The following STRN variants were observed in gnomAD, a reference collection of about 807,000 sequenced individuals.
The protein encoded by STRN is protein phosphatase 2 regulatory subunit B'''alpha.
A neutral mutation model predicts 96.3 loss-of-function variants in STRN; 53 were observed. That is an observed-to-expected ratio of 0.55 (90% confidence interval 0.44 to 0.69). STRN has a LOEUF of 0.69. Ranked by LOEUF, STRN falls within the 30% of genes least tolerant of loss-of-function variation. The pLI is 0.00. For missense variants in STRN, 987 were observed against 963.9 expected (o/e 1.02, Z -0.32); for synonymous variants, 428 against 355.9 (o/e 1.20, Z -2.28).
chr2:36,849,331 T>A lies in STRN; in HGVS notation c.*125A>T, dbSNP rs13385893. On this transcript the variant is annotated 3_prime_UTR_variant, in exon 18 of 18. Transcript: ENST00000263918. ...AATTGCAAAACTATACTTCAACAAATGTTCTCTGTGCTCCTTCAGCAGAAC... is the reference window on the plus strand; with the variant it reads ...AATTGCAAAACTATACTTCAACAAAAGTTCTCTGTGCTCCTTCAGCAGAAC... The A allele has an allele frequency of 2.6e-6, 3 of 1,141,212 alleles. No homozygotes were observed. The Admixed American group carries it at 7.6e-5, about 29-fold the overall frequency. The allele number at this position is 1,141,212 out of a possible 1,614,324, so 70.7% of individuals were successfully genotyped here. A position where few individuals can be genotyped will look rare whatever the true frequency, so the allele number is the denominator to read the frequency against.
intron 12 of STRN, among the ~76,000 whole-genome samples, chr2:36,863,369 G>T (rs965112874): frequency 6.6e-6 from 1 of 152,112 alleles, no homozygotes; most frequent in African/African-American, 2.4e-5. Context: ...TAAGGAAGGG[G>T]TCCAGTTTCA....
intron 1 of STRN, among the ~76,000 whole-genome samples, chr2:36,951,640 A>G (rs1664754890): frequency 6.6e-6 from 1 of 152,238 alleles, no homozygotes; most frequent in Non-Finnish European, 1.5e-5. Context: ...GTAACAGTGT[A>G]ACCTAATATA....
chr2:36,915,073 A>G (rs1670055241), intron 3 of STRN, among the ~76,000 whole-genome samples: 1 of 150,492 alleles, frequency 6.6e-6, no homozygotes, highest in African/African-American at 2.4e-5. Context: ...GGTGGGCGCC[A>G]GTAATCCCAG....
Position 36,958,146 on chromosome 2 carries a change from C to T in STRN, c.234+8084G>A, listed in dbSNP as rs1055140897. On this transcript the variant is annotated intron_variant, in intron 1 of 17. Transcript: ENST00000263918. ...TGTTGGCCAAGCTGGTCTTGAACTC[C>T]GGACCTCAGGTGATCTGCCCGCCTC... 4.0e-5 allele frequency among the ~76,000 whole-genome samples: 6 copies of T among 151,852 alleles called. No individual in the cohort carries two copies. The East Asian group carries it at 7.7e-4, about 20-fold the overall frequency.
chr2:36,908,713 C>T (rs900380552), intron 3 of STRN, among the ~76,000 whole-genome samples: 5 of 152,152 alleles, frequency 3.3e-5, no homozygotes, highest in African/African-American at 1.2e-4. Context: ...GTGGCTCATG[C>T]CTGTAATACC....
intron 10 of STRN, among the ~76,000 whole-genome samples, chr2:36,875,294 G>A (rs1286352941): frequency 6.6e-6 from 1 of 152,018 alleles, no homozygotes; most frequent in Non-Finnish European, 1.5e-5. Context: ...CAGACTGCTT[G>A]AGCCCAGCAG....
At chr2:36,958,790 C>T (rs1190271537) in intron 1 of STRN, among the ~76,000 whole-genome samples, 1 of 152,110 alleles carries the variant, frequency 6.6e-6, no homozygotes, top group Non-Finnish European at 1.5e-5. Flanking sequence ...AGCCAATCCA[C>T]AAATTCAAGG....
chr2:36,955,206 T>C (rs541720199), intron 1 of STRN, among the ~76,000 whole-genome samples: 7 of 152,326 alleles, frequency 4.6e-5, no homozygotes, highest in African/African-American at 1.7e-4. Context: ...TGCCCTGGCC[T>C]GGGTACTAGG....
At chr2:36,908,293 G>A (rs1669873584) in intron 3 of STRN, among the ~76,000 whole-genome samples, 1 of 152,082 alleles carries the variant, frequency 6.6e-6, no homozygotes, top group Admixed American at 6.5e-5. Flanking sequence ...TGCCTATTTT[G>A]GCAGCCAGTG....
At chr2:36,928,495 T>A (rs1670477222) in intron 1 of STRN, among the ~76,000 whole-genome samples, 1 of 148,016 alleles carries the variant, frequency 6.8e-6, no homozygotes, top group Non-Finnish European at 1.5e-5. Flanking sequence ...CCACTAAACA[T>A]ACAAAAATTA....
chr2:36,910,127 C>T lies in STRN; in HGVS notation c.413-4509G>A, dbSNP rs148975872. ...GGCGGAGGCTGCAGTGAGCCGAGAT[C>T]GTGGCGTCACACTCCAGCCTGGGGG... On this transcript the variant is annotated intron_variant, in intron 3 of 17. Transcript: ENST00000263918. 4.5e-3 allele frequency among the ~76,000 whole-genome samples: 658 copies of T among 145,184 alleles called. 3 individuals carry two copies. The highest frequency in any genetic ancestry group is 0.011 in the Middle Eastern group (3 of 284).
At chr2:36,860,987 A>G in intron 13 of STRN, 145 bp downstream of exon 13, 1 of 959,422 alleles carries the variant, frequency 1.0e-6, no homozygotes. Flanking sequence ...TCCTAAATAC[A>G]GAAGTCCTTT....
chr2:36,909,182 G>C (rs1669902897), intron 3 of STRN, among the ~76,000 whole-genome samples: 2 of 149,950 alleles, frequency 1.3e-5, no homozygotes, highest in African/African-American at 4.9e-5. Context: ...AAAAAATTCA[G>C]GTTAAAAAAA....
intron 2 of STRN, among the ~76,000 whole-genome samples, chr2:36,922,172 G>T (rs772110092): frequency 5.5e-4 from 83 of 152,200 alleles, no homozygotes; most frequent in Admixed American, 1.2e-3. Flanking sequence ...TGGTGAATCT[G>T]GGTAAAGGGT....
intron 1 of STRN, among the ~76,000 whole-genome samples, chr2:36,929,636 G>A (rs1020500893): frequency 6.6e-6 from 1 of 152,088 alleles, no homozygotes; most frequent in African/African-American, 2.4e-5. Context: ...ACCCACCTCA[G>A]CCTCCCTAAG....
intron 2 of STRN, among the ~76,000 whole-genome samples, chr2:36,922,247 G>C (rs1670279115): frequency 6.6e-6 from 1 of 152,106 alleles, no homozygotes; most frequent in Admixed American, 6.5e-5. Flanking sequence ...GGCTGGGCAT[G>C]GTGACTCACG....
At chr2:36,876,000 T>C (rs1221698456) in intron 10 of STRN, among the ~76,000 whole-genome samples, 3 of 152,108 alleles carry the variant, frequency 2.0e-5, no homozygotes, top group South Asian at 4.1e-4. Flanking sequence ...GGCATGGTGG[T>C]TCACACCTGT....
At chr2:36,894,393 C>T (rs1000786118) in intron 6 of STRN, among the ~76,000 whole-genome samples, 1 of 152,040 alleles carries the variant, frequency 6.6e-6, no homozygotes, top group African/African-American at 2.4e-5. Context: ...TTATTTTTTT[C>T]CCTAAAATGT....
chr2:36,917,314 G>C (rs960927222), intron 2 of STRN, among the ~76,000 whole-genome samples: 1 of 151,670 alleles, frequency 6.6e-6, no homozygotes, highest in African/African-American at 2.4e-5. Context: ...CAGAGGTCAG[G>C]AGTTTGAGAT....
Sources: allele counts gnomAD v4.1 joint callset (sites outside exome capture counted in the v4.1 genomes callset), GRCh38; gene constraint gnomAD v4.1.1; transcripts MANE v1.5; gene names NCBI Gene and HGNC (gene_info 2026-07-23, HGNC 2026-07-21).